Variants in NPFFR2 observed in about 807,000 individuals in gnomAD.
NPFFR2 encodes the protein neuropeptide FF receptor 2.
A neutral mutation model predicts 13.1 loss-of-function variants in NPFFR2; 15 were observed. That is an observed-to-expected ratio of 1.15 (90% CI 0.77 to 1.76). The LOEUF (loss-of-function observed/expected upper bound fraction) is 1.76, where lower values mean the gene tolerates loss of function less well. NPFFR2 is among the 40% of genes most tolerant of loss of function. The probability of loss-of-function intolerance (pLI) is 0.00; values close to 1 mark genes in which losing one functional copy is unlikely to be tolerated. For synonymous variants in NPFFR2, 190 were observed against 175.7 expected (o/e 1.08, Z -0.65); for missense variants, 572 against 503.5 (o/e 1.14, Z -1.30).
In NPFFR2 at chr4:72,110,076, A is replaced by G. The variant is rs536637821; in HGVS notation, c.-7-18509A>G. On this transcript the variant is annotated intron_variant, in intron 1 of 3. Transcript: ENST00000308744. ...TTGACTGTGTCCTCACCTAAATCTCATCTTGAGTTGTAGTTTCTATAGTCC... is the reference window on the plus strand; with the variant it reads ...TTGACTGTGTCCTCACCTAAATCTCGTCTTGAGTTGTAGTTTCTATAGTCC... 2.6e-5 allele frequency among the ~76,000 whole-genome samples: 4 copies of G among 152,002 alleles called. No homozygotes were observed. In the South Asian group the frequency reaches 8.3e-4, roughly 32 times the overall value.
chr4:72,058,247 A>T (rs907575618), intron 1 of NPFFR2, among the ~76,000 whole-genome samples: 2 of 151,932 alleles, frequency 1.3e-5, no homozygotes, highest in Non-Finnish European at 2.9e-5. Context: ...TTACTCCTAG[A>T]GAGTTTAGAA....
chr4:72,080,154 TTG>T (rs200102770), intron 1 of NPFFR2, among the ~76,000 whole-genome samples: 4,577 of 26,316 alleles, frequency 0.17, 209 homozygotes, highest in African/African-American at 0.27. Flanking sequence ...GTTGTTGTTG[TTG>T]TTTTTTTGTT....
intron 1 of NPFFR2, among the ~76,000 whole-genome samples, chr4:72,060,704 T>G (rs1306720471): frequency 1.3e-5 from 2 of 152,042 alleles, no homozygotes; most frequent in African/African-American, 4.8e-5. Flanking sequence ...ACCCCGAGCT[T>G]GTCATTCTTA....
intron 1 of NPFFR2, among the ~76,000 whole-genome samples, chr4:72,066,964 T>A (rs1474725842): frequency 1.3e-5 from 2 of 152,142 alleles, no homozygotes; most frequent in Non-Finnish European, 2.9e-5. Flanking sequence ...AGAATTGCTC[T>A]ACTGGGGGCT....
intron 1 of NPFFR2, among the ~76,000 whole-genome samples, chr4:72,048,026 A>G (rs1719425962): frequency 2.0e-5 from 3 of 152,100 alleles, no homozygotes; most frequent in Admixed American, 6.6e-5. Context: ...CTTCGTATAT[A>G]TTACAGTTCA....
chr4:72,084,735 A>T (rs1040004977), intron 1 of NPFFR2, among the ~76,000 whole-genome samples: 2 of 152,120 alleles, frequency 1.3e-5, no homozygotes, highest in Admixed American at 1.3e-4. Context: ...AGGTCTCTCA[A>T]CCTGGAATGA....
At chr4:72,033,619 C>A (rs1718978873) in intron 1 of NPFFR2, among the ~76,000 whole-genome samples, 1 of 152,122 alleles carries the variant, frequency 6.6e-6, no homozygotes, top group Admixed American at 6.5e-5. Flanking sequence ...GAGGCTTAAG[C>A]TTATTTTTGC....
chr4:72,053,755 G>T lies in NPFFR2; in HGVS notation c.-8+21555G>T, dbSNP rs116182313. Among the ~76,000 whole-genome samples the T allele has an allele frequency of 6.0e-3, 905 of 151,704 alleles. 6 individuals are homozygous for T. The highest frequency in any genetic ancestry group is 0.02 in the African/African-American group (841 of 41,420). The stretch of plus-strand genomic sequence containing the variant: ...AAGACAGTTTTAGTTCCTTCTTTCT[G>T]ATCTGTATGTCTTTTATATTTTTTT... On this transcript the variant is annotated intron_variant, in intron 1 of 3. Coordinates refer to ENST00000308744, the MANE Select transcript of NPFFR2 (RefSeq NM_004885.3).
chr4:72,125,018 A>G (rs1381856472), intron 1 of NPFFR2, among the ~76,000 whole-genome samples: 1 of 152,076 alleles, frequency 6.6e-6, no homozygotes, highest in Non-Finnish European at 1.5e-5. Context: ...TTTGCAATCT[A>G]TCCATCTATC....
intron 1 of NPFFR2, among the ~76,000 whole-genome samples, chr4:72,051,638 T>A (rs1177159342): frequency 6.6e-6 from 1 of 151,074 alleles, no homozygotes; most frequent in Non-Finnish European, 1.5e-5. Flanking sequence ...AAGAAATAAC[T>A]AAAATCAGAG....
chr4:72,061,730 C>T (rs945154554), intron 1 of NPFFR2, among the ~76,000 whole-genome samples: 1 of 151,920 alleles, frequency 6.6e-6, no homozygotes, highest in African/African-American at 2.4e-5. Context: ...AGGAGTTGAA[C>T]AATGAGAACA....
intron 1 of NPFFR2, among the ~76,000 whole-genome samples, chr4:72,065,295 CTG>C (rs566505884): frequency 1.2e-3 from 190 of 152,006 alleles, no homozygotes; most frequent in African/African-American, 4.4e-3. Flanking sequence ...AATCAGGTCT[CTG>C]AAAAAAATCA....
chr4:72,081,661 C>A (rs1426557035), intron 1 of NPFFR2, among the ~76,000 whole-genome samples: 2 of 151,676 alleles, frequency 1.3e-5, no homozygotes, highest in African/African-American at 2.4e-5. Context: ...CTAATTTTTT[C>A]TATTTTTTTG....
chr4:72,091,021 C>T (rs72856179), intron 1 of NPFFR2, among the ~76,000 whole-genome samples: 4,778 of 151,494 alleles, frequency 0.032, 238 homozygotes, highest in African/African-American at 0.11. Context: ...TAATCATAAA[C>T]GTTAATCTAT....
At chr4:72,037,317 T>C (rs6446799) in intron 1 of NPFFR2, among the ~76,000 whole-genome samples, 50,124 of 150,282 alleles carry the variant, frequency 0.33, 8,819 homozygotes, top group East Asian at 0.67. Context: ...GGTGGGAGGA[T>C]TGCTTGACCC....
At chr4:72,136,953 G>T (rs138817683) in intron 2 of NPFFR2, among the ~76,000 whole-genome samples, 8 of 152,218 alleles carry the variant, frequency 5.3e-5, no homozygotes, top group African/African-American at 7.2e-5. Flanking sequence ...CATTTCAGTG[G>T]AATTGTGTGA....
chr4:72,089,802 G>C (rs1720866360), intron 1 of NPFFR2, among the ~76,000 whole-genome samples: 1 of 151,996 alleles, frequency 6.6e-6, no homozygotes, highest in Non-Finnish European at 1.5e-5. Flanking sequence ...TTCTTTGGCT[G>C]TGCAGAAGTT....
At chr4:72,032,266 A>G (rs186764084) in intron 1 of NPFFR2, 66 bp downstream of exon 1, 6 of 1,470,882 alleles carry the variant, frequency 4.1e-6, no homozygotes, top group East Asian at 4.7e-5. Context: ...CTAATGCCCA[A>G]CGCTTGCCTT....
chr4:72,102,377 AATTATTATT>A (rs143113118), intron 1 of NPFFR2, among the ~76,000 whole-genome samples: 1 of 151,794 alleles, frequency 6.6e-6, no homozygotes, highest in African/African-American at 2.4e-5. Flanking sequence ...TGAATGAGGA[AATTATTATT>A]ATTATTATAC....
Sources: gnomAD v4.1 joint callset for allele counts (sites outside exome capture counted in the v4.1 genomes callset) on GRCh38, gnomAD v4.1.1 for gene constraint, MANE v1.5 for transcripts, NCBI Gene and HGNC (gene_info 2026-07-23, HGNC 2026-07-21) for gene names.